Variants in SSBP2 observed in about 807,000 individuals in gnomAD.
SSBP2 encodes the protein single-stranded DNA-binding protein 2.
Under a neutral mutation model 61.8 loss-of-function variants are expected in SSBP2, and 17 were observed. The observed-to-expected ratio is 0.28, with a 90% CI of 0.19 to 0.41. The LOEUF (loss-of-function observed/expected upper bound fraction) is 0.41, where lower values mean the gene tolerates loss of function less well. Ranked by LOEUF, SSBP2 falls within the 10% of genes least tolerant of loss-of-function variation. SSBP2 has a pLI of 1.00. For missense variants in SSBP2, 310 were observed against 458.7 expected, an observed-to-expected ratio of 0.68 and a Z score of 2.96; for synonymous variants, 139 against 141.3, an observed-to-expected ratio of 0.98 and a Z score of 0.12.
At chr5:81,554,798 A>G (rs1424792880) in intron 4 of SSBP2, among the ~76,000 whole-genome samples, 3 of 152,148 alleles carry the variant, frequency 2.0e-5, no homozygotes, top group Non-Finnish European at 4.4e-5. Flanking sequence ...TGGTCATTAT[A>G]GAGATAATAA....
intron 1 of SSBP2, among the ~76,000 whole-genome samples, chr5:81,705,946 A>G (rs192470327): frequency 6.6e-6 from 1 of 152,326 alleles, no homozygotes; most frequent in East Asian, 1.9e-4. Context: ...AGATTTCTCA[A>G]ATAACTCAAA....
intron 1 of SSBP2, among the ~76,000 whole-genome samples, chr5:81,687,398 A>C (rs1752900372): frequency 6.6e-6 from 1 of 152,212 alleles, no homozygotes; most frequent in Non-Finnish European, 1.5e-5. Flanking sequence ...GTGCTAAATA[A>C]ACATGAAATA....
rs371842577 is a variant in SSBP2 at position 81,474,830 on chromosome 5, T to C, written c.433-268A>G. 2.6e-3 allele frequency among the ~76,000 whole-genome samples: 402 copies of C among 152,290 alleles called. 1 individual carries two copies. Among genetic ancestry groups the C allele is most frequent in the African/African-American group, 9.3e-3 (387 of 41,566 alleles). On this transcript the variant is annotated intron_variant, in intron 6 of 16. Coordinates refer to ENST00000320672, the MANE Select transcript of SSBP2 (RefSeq NM_012446.5). ...GGAGCAAAGATCTACGCAAAAACTG[T>C]CCTATTTCTTCCTGAGAAGTATTAT...
chr5:81,437,323 A>G, intron 15 of SSBP2, 107 bp downstream of exon 15: 1 of 1,053,014 alleles, frequency 9.5e-7, no homozygotes, highest in Non-Finnish European at 1.4e-6. Flanking sequence ...TTCTACTTTC[A>G]AACTCTTGTT....
intron 1 of SSBP2, among the ~76,000 whole-genome samples, chr5:81,667,686 G>A (rs1477418036): frequency 1.3e-5 from 2 of 152,120 alleles, no homozygotes; most frequent in African/African-American, 2.4e-5. Flanking sequence ...TAGGAATGAA[G>A]TATAACTTTT....
chr5:81,488,100 C>T (rs899809182), intron 6 of SSBP2, among the ~76,000 whole-genome samples: 10 of 128,652 alleles, frequency 7.8e-5, no homozygotes, highest in African/African-American at 2.3e-4. Flanking sequence ...ACACACACCA[C>T]ATTTTTTATA....
At chr5:81,607,780 C>T (rs144434437) in intron 4 of SSBP2, among the ~76,000 whole-genome samples, 272 of 152,256 alleles carry the variant, frequency 1.8e-3, no homozygotes, top group African/African-American at 5.6e-3. Flanking sequence ...TCAAGTCTTG[C>T]TTCAACAACC....
At chr5:81,536,653 A>T (rs546675109) in intron 4 of SSBP2, among the ~76,000 whole-genome samples, 2 of 152,304 alleles carry the variant, frequency 1.3e-5, no homozygotes, top group Non-Finnish European at 2.9e-5. Context: ...TTGAAAGCAA[A>T]CAAGATCTTT....
chr5:81,729,811 G>T (rs1350079440), intron 1 of SSBP2, among the ~76,000 whole-genome samples: 1 of 151,828 alleles, frequency 6.6e-6, no homozygotes, highest in African/African-American at 2.4e-5. Flanking sequence ...CATATAACTT[G>T]TAAGTTATAT....
intron 6 of SSBP2, 142 bp from the exon 7 acceptor site, chr5:81,474,704 C>A (rs889387894): frequency 3.2e-6 from 2 of 618,638 alleles, no homozygotes; most frequent in Admixed American, 7.0e-5. Context: ...ATTTCACATT[C>A]ATTTATAAGT....
chr5:81,599,876 G>T (rs930117942), intron 4 of SSBP2, among the ~76,000 whole-genome samples: 1 of 152,184 alleles, frequency 6.6e-6, no homozygotes, highest in Admixed American at 6.5e-5. Flanking sequence ...CACCTCTGCA[G>T]GCTAAATTTA....
intron 3 of SSBP2, among the ~76,000 whole-genome samples, chr5:81,634,613 C>A (rs1748033555): frequency 6.6e-6 from 1 of 152,216 alleles, no homozygotes; most frequent in African/African-American, 2.4e-5. Context: ...TGCTTAAAAA[C>A]TGCATTGTAT....
intron 4 of SSBP2, among the ~76,000 whole-genome samples, chr5:81,516,857 T>C (rs1290057232): frequency 6.6e-6 from 1 of 152,056 alleles, no homozygotes; most frequent in Non-Finnish European, 1.5e-5. Flanking sequence ...TTCGGATATG[T>C]TGCTGAAATT....
chr5:81,523,680 T>C (rs1367791550), intron 4 of SSBP2, among the ~76,000 whole-genome samples: 1 of 152,022 alleles, frequency 6.6e-6, no homozygotes, highest in East Asian at 1.9e-4. Context: ...TTCGTATGAA[T>C]TTCAGAGGTT....
intron 1 of SSBP2, among the ~76,000 whole-genome samples, chr5:81,715,197 A>C (rs751202683): frequency 6.6e-6 from 1 of 152,162 alleles, no homozygotes; most frequent in Non-Finnish European, 1.5e-5. Context: ...CAAAAGAACT[A>C]ACTCAATAAA....
chr5:81,691,187 C>A (rs1753177846), intron 1 of SSBP2, among the ~76,000 whole-genome samples: 1 of 151,282 alleles, frequency 6.6e-6, no homozygotes, highest in Admixed American at 6.6e-5. Context: ...CAAACAAAGC[C>A]CAAAATTAGT....
chr5:81,736,178 ACACACACACACTC>A (rs756747839), intron 1 of SSBP2, among the ~76,000 whole-genome samples: 3 of 131,570 alleles, frequency 2.3e-5, no homozygotes. Context: ...ACACACACAC[ACACACACACACTC>A]TACGGCACTA....
At chr5:81,643,595 C>CTTTTTTT (rs368511957) in intron 2 of SSBP2, among the ~76,000 whole-genome samples, 9 of 60,246 alleles carry the variant, frequency 1.5e-4, no homozygotes, top group African/African-American at 2.5e-4. Context: ...TTTTTCCTTT[C>CTTTTTTT]TTTTTTTTTT....
chr5:81,668,043 T>G (rs965493612), intron 1 of SSBP2, among the ~76,000 whole-genome samples: 3 of 152,056 alleles, frequency 2.0e-5, no homozygotes, highest in Admixed American at 6.6e-5. Flanking sequence ...GAGAGAATAA[T>G]GCTGTAACAG....
Sources: gnomAD v4.1 joint callset for allele counts (sites outside exome capture counted in the v4.1 genomes callset) on GRCh38, gnomAD v4.1.1 for gene constraint, MANE v1.5 for transcripts, NCBI Gene and HGNC (gene_info 2026-07-23, HGNC 2026-07-21) for gene names.